Variants in IRF2 observed in about 807,000 individuals in gnomAD.
The protein encoded by IRF2 is interferon regulatory factor 2.
Under a neutral mutation model 40.6 loss-of-function variants are expected in IRF2, and 15 were observed. The ratio of observed to expected loss-of-function variants is 0.37; its 90% CI spans 0.25 to 0.57. The LOEUF is 0.57. IRF2 is among the 20% of genes least tolerant of loss of function. IRF2 has a pLI of 0.77. For missense variants in IRF2, 317 were observed against 455.7 expected (o/e 0.70, Z 2.77); for synonymous variants, 151 against 165.5 (o/e 0.91, Z 0.67).
In IRF2 at chr4:184,456,581, C is replaced by A. The variant is rs115486442; in HGVS notation, c.-7+17798G>T. Among the ~76,000 whole-genome samples, 1,184 of 152,376 alleles carry A rather than the reference C, an allele frequency of 7.8e-3. 20 individuals carry two copies. Among genetic ancestry groups the A allele is most frequent in the African/African-American group, 0.026 (1,093 of 41,590 alleles). ...CCCTGCCGACTGAGCGGAGGAAACC[C>A]CTCGGTCCAGCCAGGGCACACACCC... On this transcript the variant is annotated intron_variant, in intron 1 of 8. Coordinates refer to ENST00000393593, the MANE Select transcript of IRF2 (RefSeq NM_002199.4).
Position 184,388,950 on chromosome 4 carries a change from C to T in IRF2, c.858G>A (p.Pro286=), listed in dbSNP as rs150270491. 9.2e-5 allele frequency: 149 copies of T among 1,613,972 alleles called. No individual in the cohort carries two copies. Among genetic ancestry groups the T allele is most frequent in the Admixed American group, 1.3e-4 (8 of 59,986 alleles). The change falls in exon 9 of 9, where the codon CCG becomes CCA. Residue 286 remains proline, a synonymous_variant. Transcript: ENST00000393593. This position sits in a 1 kb window ranked among gnomAD's most constrained non-coding sequence, Gnocchi z 4.6. The part of the protein sequence containing the change: ...GMASFVTSNK[P]DLQVTIKEES... ...CCTCTTTGATGGTGACCTGGAGGTCCGGTTTGTTGGAAGTGACGAAGGACG... is the reference window on the plus strand; with the variant it reads ...CCTCTTTGATGGTGACCTGGAGGTCTGGTTTGTTGGAAGTGACGAAGGACG...
At chr4:184,433,743 T>A (rs577033612) in intron 1 of IRF2, among the ~76,000 whole-genome samples, 5 of 152,190 alleles carry the variant, frequency 3.3e-5, no homozygotes, top group Non-Finnish European at 5.9e-5. Context: ...AAGGCCCTTC[T>A]CCTTTGTGAC....
At chr4:184,422,430 C>A (rs1377121163) in intron 2 of IRF2, among the ~76,000 whole-genome samples, 3 of 152,200 alleles carry the variant, frequency 2.0e-5, no homozygotes, top group African/African-American at 7.2e-5. Context: ...AATTTTACAC[C>A]TGGATATATA....
intron 1 of IRF2, among the ~76,000 whole-genome samples, chr4:184,446,734 A>G (rs572386971): frequency 6.6e-5 from 10 of 152,230 alleles, no homozygotes; most frequent in African/African-American, 1.9e-4. Flanking sequence ...CGGACGGATC[A>G]CGAGGTCAGG....
intron 6 of IRF2, among the ~76,000 whole-genome samples, chr4:184,402,886 A>G (rs1485641152): frequency 6.6e-6 from 1 of 152,062 alleles, no homozygotes; most frequent in Non-Finnish European, 1.5e-5. Context: ...CATTTATAGG[A>G]CCGTGTGCCT....
chr4:184,469,538 G>A (rs1739446667), intron 1 of IRF2, among the ~76,000 whole-genome samples: 1 of 152,184 alleles, frequency 6.6e-6, no homozygotes, highest in South Asian at 2.1e-4. Flanking sequence ...CGGGCTTTGG[G>A]GTGGCACATG....
intron 2 of IRF2, among the ~76,000 whole-genome samples, chr4:184,420,834 G>A (rs1737457526): frequency 1.3e-5 from 2 of 152,220 alleles, no homozygotes; most frequent in Admixed American, 1.3e-4. Context: ...AAACCAAGAA[G>A]CAGATTTTAA....
At chr4:184,407,681 G>C (rs957996215) in intron 6 of IRF2, among the ~76,000 whole-genome samples, 1 of 152,106 alleles carries the variant, frequency 6.6e-6, no homozygotes, top group Admixed American at 6.5e-5. Context: ...CCTGCTCCTA[G>C]TACTGAGTCT....
At chr4:184,405,987 ATGT>A (rs1736839394) in intron 6 of IRF2, among the ~76,000 whole-genome samples, 1 of 152,058 alleles carries the variant, frequency 6.6e-6, no homozygotes, top group Non-Finnish European at 1.5e-5. Context: ...AGAATAAAGT[ATGT>A]TGTTGTGGGT....
chr4:184,469,452 G>C (rs1739443084), intron 1 of IRF2, among the ~76,000 whole-genome samples: 1 of 152,208 alleles, frequency 6.6e-6, no homozygotes, highest in African/African-American at 2.4e-5. Context: ...TGAGGAGGGA[G>C]GATCATTTGA....
At chr4:184,399,105 C>T (rs1247750970) in intron 6 of IRF2, 26 bp from the exon 7 acceptor site, 2 of 1,563,518 alleles carry the variant, frequency 1.3e-6, no homozygotes, top group Non-Finnish European at 1.7e-6. Context: ...AGCCATCATG[C>T]AAAGTCTGCT....
chr4:184,391,681 A>G (rs1736268714), intron 7 of IRF2, among the ~76,000 whole-genome samples: 1 of 152,228 alleles, frequency 6.6e-6, no homozygotes, highest in Non-Finnish European at 1.5e-5. Flanking sequence ...GCAGCAGAGG[A>G]CCCAGCTAAG....
At chr4:184,437,031 G>A (rs1469483477) in intron 1 of IRF2, among the ~76,000 whole-genome samples, 2 of 152,018 alleles carry the variant, frequency 1.3e-5, no homozygotes, top group African/African-American at 4.8e-5. Flanking sequence ...GACTACAGGT[G>A]CATCCACTAC....
At chr4:184,460,545 A>G (rs1303186610) in intron 1 of IRF2, among the ~76,000 whole-genome samples, 4 of 152,170 alleles carry the variant, frequency 2.6e-5, no homozygotes, top group African/African-American at 4.8e-5. Context: ...ACTTGCTGCC[A>G]CTGTTTCCTT....
At chr4:184,442,465 T>C (rs1204497559) in intron 1 of IRF2, among the ~76,000 whole-genome samples, 1 of 152,300 alleles carries the variant, frequency 6.6e-6, no homozygotes, top group East Asian at 1.9e-4. Flanking sequence ...CAGGGTCTTT[T>C]GAAGGCAGAA....
intron 6 of IRF2, among the ~76,000 whole-genome samples, chr4:184,400,001 G>A (rs1736610585): frequency 1.3e-5 from 2 of 152,140 alleles, no homozygotes; most frequent in Non-Finnish European, 2.9e-5. Context: ...CCAGAGTATT[G>A]ACATAAATAA....
rs1738605228 is a variant in IRF2, at chr4:184,448,685, G to C, written c.-6-19615C>G. ...AAAACCGCCAGAAGTGCCATCGCTG[G>C]GTCACTGATAGATTTGCAAATTGTA... On this transcript the variant is annotated intron_variant, in intron 1 of 8. Coordinates refer to ENST00000393593, the MANE Select transcript of IRF2 (RefSeq NM_002199.4). The surrounding 1 kb of genome is among the most constrained non-coding windows in gnomAD (Gnocchi z 4.3). The C allele has an allele frequency of 6.6e-6, 1 of 152,136 alleles. No individual in the cohort carries two copies. The highest frequency in any genetic ancestry group is 2.4e-5 in the African/African-American group (1 of 41,420). The allele number at this position is 152,136 out of a possible 1,614,324, so 9.4% of individuals were successfully genotyped here.
At position 184,388,982 on chromosome 4, in the gene IRF2, C is replaced by T. The variant is rs779336437; in HGVS notation, c.826G>A (p.Gly276Ser). 3.7e-6 allele frequency: 6 copies of T among 1,614,056 alleles called. No homozygotes were observed. Among genetic ancestry groups the T allele is most frequent in the Admixed American group, 3.3e-5 (2 of 59,996 alleles). ...TTGGAAGTGACGAAGGACGCCATGCCGGGCAGCAGGTAGGAGCCTCGAGTC... is the reference window on the plus strand; with the variant it reads ...TTGGAAGTGACGAAGGACGCCATGCTGGGCAGCAGGTAGGAGCCTCGAGTC... ...MGTRGSYLLP[G>S]MASFVTSNKP... Residue 276 changes from glycine (G) to serine (S), a missense_variant, in exon 9 of 9, where the codon GGC (glycine) becomes AGC (serine). Around this residue, in one of 2 missense-constraint regions of IRF2, gnomAD observed 262 missense variants for 334.0 expected, o/e 0.78. Coordinates refer to ENST00000393593, the MANE Select transcript of IRF2 (RefSeq NM_002199.4). This position sits in a 1 kb window ranked among gnomAD's most constrained non-coding sequence, Gnocchi z 4.6.
At chr4:184,470,630 C>A (rs567299428) in intron 1 of IRF2, among the ~76,000 whole-genome samples, 5 of 141,526 alleles carry the variant, frequency 3.5e-5, no homozygotes, top group Admixed American at 3.1e-4. Context: ...GCAGAGGTTG[C>A]GGTGAGCTGA....
Sources: allele counts gnomAD v4.1 joint callset (sites outside exome capture counted in the v4.1 genomes callset), GRCh38; gene constraint gnomAD v4.1.1; regional missense constraint gnomAD v4.1.1; non-coding constraint Gnocchi (gnomAD v3.1); transcripts MANE v1.5; gene names NCBI Gene and HGNC (gene_info 2026-07-23, HGNC 2026-07-21).